CHMP4B: variants seen among roughly 807,000 people sequenced by gnomAD.
The protein encoded by CHMP4B is charged multivesicular body protein 4B.
Under a neutral mutation model 25.1 loss-of-function variants are expected in CHMP4B, and 1 was observed. The observed-to-expected ratio is 0.04, with a 90% CI of 0.01 to 0.19. CHMP4B has a LOEUF of 0.19. Ranked by LOEUF, CHMP4B falls within the 10% of genes least tolerant of loss-of-function variation. The pLI, the probability that CHMP4B is intolerant of heterozygous loss-of-function variation, is 1.00. For missense variants in CHMP4B, 151 were observed against 289.7 expected (o/e 0.52, Z 3.48); for synonymous variants, 101 against 115.6 (o/e 0.87, Z 0.81).
intron 1 of CHMP4B, 143 bp from the exon 2 acceptor site, chr20:33,848,324 C>G: frequency 1.2e-6 from 1 of 825,636 alleles, no homozygotes; most frequent in Non-Finnish European, 2.0e-6. Flanking sequence ...TGAATGTGCT[C>G]TTTGTGTAGA....
chr20:33,837,158 C>T (rs1267209554), intron 1 of CHMP4B, among the ~76,000 whole-genome samples: 1 of 152,130 alleles, frequency 6.6e-6, no homozygotes, highest in Non-Finnish European at 1.5e-5. Flanking sequence ...GTGGCTCACT[C>T]CTGTTATCCC....
At chr20:33,836,101 A>C (rs1156657793) in intron 1 of CHMP4B, among the ~76,000 whole-genome samples, 1 of 152,238 alleles carries the variant, frequency 6.6e-6, no homozygotes, top group Non-Finnish European at 1.5e-5. Context: ...CTTTTTAAGC[A>C]TATAGACTAT....
At chr20:33,836,711 C>G (rs529926922) in intron 1 of CHMP4B, among the ~76,000 whole-genome samples, 1 of 152,128 alleles carries the variant, frequency 6.6e-6, no homozygotes, top group Non-Finnish European at 1.5e-5. Flanking sequence ...GTTGGTCTCC[C>G]CAGACTCTCA....
intron 1 of CHMP4B, among the ~76,000 whole-genome samples, chr20:33,820,804 C>T (rs1287526512): frequency 3.3e-5 from 5 of 151,718 alleles, no homozygotes; most frequent in African/African-American, 4.8e-5. Context: ...GAGTTTTTTG[C>T]GAAAGAAAAA....
intron 1 of CHMP4B, among the ~76,000 whole-genome samples, chr20:33,843,647 G>C (rs1979602910): frequency 6.6e-6 from 1 of 152,216 alleles, no homozygotes; most frequent in South Asian, 2.1e-4. Flanking sequence ...TCTGTGGTCA[G>C]AAATAAGGTT....
At chr20:33,817,132 C>T (rs1435455479) in intron 1 of CHMP4B, among the ~76,000 whole-genome samples, 1 of 152,226 alleles carries the variant, frequency 6.6e-6, no homozygotes, top group Non-Finnish European at 1.5e-5. Flanking sequence ...CCAGCAGTAT[C>T]TCTTATCCCA....
Position 33,853,592 on chromosome 20 carries a change from C to T in CHMP4B, c.*32C>T. On this transcript the variant is annotated 3_prime_UTR_variant, in exon 5 of 5. Coordinates refer to ENST00000217402, the MANE Select transcript of CHMP4B (RefSeq NM_176812.5). ...CCAGCGCTGGCTGGGCCCAGACAGA[C>T]TGTGGTGGCCTGCGCAGCGAGCAGG... is the stretch of plus-strand genomic sequence containing the variant. 6.3e-7 allele frequency: 1 copy of T among 1,593,906 alleles called. No individual in the cohort carries two copies. Among genetic ancestry groups the T allele is most frequent in the Non-Finnish European group, 8.6e-7 (1 of 1,161,876 alleles).
intron 1 of CHMP4B, among the ~76,000 whole-genome samples, chr20:33,815,883 T>C (rs1270525887): frequency 6.6e-6 from 1 of 152,116 alleles, no homozygotes; most frequent in Non-Finnish European, 1.5e-5. Flanking sequence ...CATTAAACAC[T>C]CAGTTCATTA....
chr20:33,832,599 C>T (rs912065273), intron 1 of CHMP4B, among the ~76,000 whole-genome samples: 1 of 152,034 alleles, frequency 6.6e-6, no homozygotes, highest in African/African-American at 2.4e-5. Context: ...TTAAAAGTGC[C>T]TTCGTTGCCT....
chr20:33,825,273 A>G (rs1979064175), intron 1 of CHMP4B, among the ~76,000 whole-genome samples: 1 of 152,232 alleles, frequency 6.6e-6, no homozygotes, highest in Non-Finnish European at 1.5e-5. Context: ...GATATTCACT[A>G]TATACCCACC....
At chr20:33,825,226 G>A (rs900672147) in intron 1 of CHMP4B, among the ~76,000 whole-genome samples, 18 of 152,144 alleles carry the variant, frequency 1.2e-4, no homozygotes, top group African/African-American at 3.1e-4. Context: ...TTTAATACCC[G>A]TTAATTGAGA....
intron 1 of CHMP4B, among the ~76,000 whole-genome samples, chr20:33,837,570 G>C (rs1276554295): frequency 6.6e-6 from 1 of 152,142 alleles, no homozygotes; most frequent in Admixed American, 6.5e-5. Context: ...TAAGGAGACG[G>C]AGGGTGAAGG....
At chr20:33,849,517 G>C (rs915545923) in intron 2 of CHMP4B, among the ~76,000 whole-genome samples, 4 of 152,134 alleles carry the variant, frequency 2.6e-5, no homozygotes, top group Non-Finnish European at 5.9e-5. Context: ...AGAATCGTTT[G>C]AACCCAGGAA....
chr20:33,813,553 T>C (rs1268624537), intron 1 of CHMP4B, among the ~76,000 whole-genome samples: 3 of 152,136 alleles, frequency 2.0e-5, no homozygotes, highest in Non-Finnish European at 4.4e-5. Flanking sequence ...TTTTGCTGTC[T>C]CTAGCTTTTT....
intron 1 of CHMP4B, among the ~76,000 whole-genome samples, chr20:33,830,933 G>GTTTTTTTTTTTGTTT (rs1775178586): frequency 9.8e-6 from 1 of 102,524 alleles, no homozygotes; most frequent in Non-Finnish European, 1.9e-5. Context: ...AAGGAACAGA[G>GTTTTTTTTTTTGTTT]TTTTTTTTTT....
chr20:33,840,554 C>T (rs1045653148), intron 1 of CHMP4B, among the ~76,000 whole-genome samples: 22 of 152,136 alleles, frequency 1.4e-4, no homozygotes, highest in African/African-American at 5.3e-4. Context: ...TTTCTTTGTG[C>T]CCCAGTGCTG....
intron 3 of CHMP4B, among the ~76,000 whole-genome samples, chr20:33,851,641 C>G (rs920160697): frequency 2.0e-5 from 3 of 152,014 alleles, no homozygotes; most frequent in African/African-American, 7.3e-5. Flanking sequence ...GCTTTCTGAC[C>G]CCTGCTGTAT....
intron 2 of CHMP4B, among the ~76,000 whole-genome samples, chr20:33,850,356 G>A (rs1979812832): frequency 6.6e-6 from 1 of 152,218 alleles, no homozygotes; most frequent in Non-Finnish European, 1.5e-5. Flanking sequence ...CCTCATTTCT[G>A]TGTTCTCCTG....
chr20:33,811,673 C>T lies in CHMP4B; in HGVS notation c.190+15C>T, dbSNP rs773879397. Reference sequence around the variant, plus strand: ...AAACAAGCGCGGTGAGGCTGCCCGGCCCCTTCAGACTTGCCACGGGCTCCC... The same window carrying T: ...AAACAAGCGCGGTGAGGCTGCCCGGTCCCTTCAGACTTGCCACGGGCTCCC... On this transcript the variant is annotated intron_variant, in intron 1 of 4. Transcript: ENST00000217402. 8.7e-6 allele frequency: 14 copies of T among 1,611,064 alleles called. No individual in the cohort carries two copies. The South Asian group carries it at 1.5e-4, about 18-fold the overall frequency.
Sources: allele counts gnomAD v4.1 joint callset (sites outside exome capture counted in the v4.1 genomes callset), GRCh38; gene constraint gnomAD v4.1.1; transcripts MANE v1.5; gene names NCBI Gene and HGNC (gene_info 2026-07-23, HGNC 2026-07-21).